ACTG2: variants seen among roughly 807,000 people sequenced by gnomAD.
ACTG2 encodes the protein actin gamma 2, smooth muscle, also known as actin, gamma-enteric smooth muscle.
Under a neutral mutation model 37.6 loss-of-function variants are expected in ACTG2, and 16 were observed. The observed-to-expected ratio is 0.43, with a 90% CI of 0.29 to 0.65. The LOEUF is 0.65. Ranked by LOEUF, ACTG2 falls within the 30% of genes least tolerant of loss-of-function variation. The probability of loss-of-function intolerance (pLI) is 0.18; values close to 1 mark genes in which losing one functional copy is unlikely to be tolerated. For synonymous variants in ACTG2, 181 were observed against 179.9 expected, an observed-to-expected ratio of 1.01 and a Z score of -0.05; for missense variants, 238 against 490.9, an observed-to-expected ratio of 0.48 and a Z score of 4.87.
At chr2:73,916,357 G>A (rs1467582415) in intron 7 of ACTG2, among the ~76,000 whole-genome samples, 1 of 142,262 alleles carries the variant, frequency 7.0e-6, no homozygotes, top group Non-Finnish European at 1.5e-5. Flanking sequence ...CCTGGTGACA[G>A]AGCAGACTCC....
At chr2:73,916,892 C>A in intron 8 of ACTG2, 127 bp downstream of exon 8, 1 of 1,110,334 alleles carries the variant, frequency 9.0e-7, no homozygotes, top group Non-Finnish European at 1.3e-6. Context: ...TCATCCTGGA[C>A]TGGAGCCAAT....
intron 6 of ACTG2, 96 bp from the exon 7 acceptor site, chr2:73,914,584 A>G: frequency 1.1e-6 from 1 of 901,784 alleles, no homozygotes; most frequent in Non-Finnish European, 1.6e-6. Context: ...AAAAGAATAA[A>G]GTAGATGTGA....
At position 73,916,694 on chromosome 2, in the gene ACTG2, A is replaced by T; in HGVS notation, c.916A>T (p.Met306Leu). 1 of 1,614,184 alleles carries T rather than the reference A, an allele frequency of 6.2e-7. No homozygotes were observed. The highest frequency in any genetic ancestry group is 8.5e-7 in the Non-Finnish European group (1 of 1,180,034). ...ANNVLSGGTT[M>L]YPGIADRMQK... ...CAATGTCCTCTCTGGGGGCACCACC[A>T]TGTACCCTGGCATTGCTGACAGGAT... Residue 306 changes from methionine to leucine, a missense_variant, in exon 8 of 9, where the codon ATG (methionine) becomes TTG (leucine). Coordinates refer to ENST00000345517, the MANE Select transcript of ACTG2 (RefSeq NM_001615.4).
At chr2:73,902,023 G>GTGTA (rs1371484797) in intron 2 of ACTG2, among the ~76,000 whole-genome samples, 1 of 94,794 alleles carries the variant, frequency 1.1e-5, no homozygotes, top group African/African-American at 3.6e-5. Flanking sequence ...CAAGTCGTGT[G>GTGTA]TGTGTGTGTG....
intron 3 of ACTG2, among the ~76,000 whole-genome samples, chr2:73,904,022 G>C (rs1419292714): frequency 6.7e-6 from 1 of 149,452 alleles, no homozygotes; most frequent in Non-Finnish European, 1.5e-5. Flanking sequence ...ACTTTGGGAA[G>C]CCAAGGCAGG....
At chr2:73,910,547 G>A (rs943099251) in intron 5 of ACTG2, among the ~76,000 whole-genome samples, 22 of 142,090 alleles carry the variant, frequency 1.5e-4, no homozygotes, top group Non-Finnish European at 2.9e-4. Context: ...CACCCAGGCT[G>A]GAGTGCAGTA....
intron 1 of ACTG2, among the ~76,000 whole-genome samples, chr2:73,900,173 G>C (rs1679846238): frequency 6.6e-6 from 1 of 152,164 alleles, no homozygotes; most frequent in Non-Finnish European, 1.5e-5. Flanking sequence ...TTCTCTTTAT[G>C]TGCCTGGCGC....
At position 73,909,105 on chromosome 2, in the gene ACTG2, T is replaced by C; in HGVS notation, c.417T>C (p.Ala139=). ...CTGCCATGTACGTCGCCATTCAAGC[T>C]GTGCTCTCCCTCTATGCCTCTGGCC... ...NVPAMYVAIQ[A]VLSLYASGRT... Residue 139 remains alanine (A), a synonymous_variant, in exon 5 of 9, where the codon GCT becomes GCC. Transcript: ENST00000345517. 1 of 1,614,172 alleles carries C rather than the reference T, an allele frequency of 6.2e-7. No individual in the cohort carries two copies. The highest frequency in any genetic ancestry group is 8.5e-7 in the Non-Finnish European group (1 of 1,179,970).
At chr2:73,908,853 C>T in intron 4 of ACTG2, 70 bp downstream of exon 4, 1 of 1,396,246 alleles carries the variant, frequency 7.2e-7, no homozygotes, top group Non-Finnish European at 1.0e-6. Flanking sequence ...ATACTTTCTC[C>T]CCTTCAAACA....
At chr2:73,916,471 T>A in intron 7 of ACTG2, 113 bp from the exon 8 acceptor site, 1 of 886,442 alleles carries the variant, frequency 1.1e-6, no homozygotes, top group Non-Finnish European at 1.7e-6. Flanking sequence ...TGGGAGATAT[T>A]AAGGTTCTGA....
intron 1 of ACTG2, among the ~76,000 whole-genome samples, chr2:73,897,574 C>A (rs990719160): frequency 6.6e-6 from 1 of 152,208 alleles, no homozygotes; most frequent in African/African-American, 2.4e-5. Flanking sequence ...AGGCAGAGCA[C>A]ACCAGGTCTG....
chr2:73,907,946 G>A (rs1406998852), intron 3 of ACTG2, among the ~76,000 whole-genome samples: 1 of 152,200 alleles, frequency 6.6e-6, no homozygotes, highest in African/African-American at 2.4e-5. Context: ...AAGTGCCTCT[G>A]TCAGATTCTC....
intron 2 of ACTG2, among the ~76,000 whole-genome samples, chr2:73,902,043 G>GTGTGTC (rs1239557508): frequency 3.0e-4 from 38 of 128,450 alleles, no homozygotes; most frequent in South Asian, 2.2e-3. Flanking sequence ...GTGTGTGTCT[G>GTGTGTC]TGTGTGTGTG....
chr2:73,914,904 A>C, intron 7 of ACTG2, 33 bp downstream of exon 7: 33 of 1,479,082 alleles, frequency 2.2e-5, no homozygotes, highest in Non-Finnish European at 2.8e-5. Flanking sequence ...TGCCAATCTC[A>C]GGAGGGGAGG....
chr2:73,896,420 C>G (rs148091948), intron 1 of ACTG2, among the ~76,000 whole-genome samples: 75 of 152,114 alleles, frequency 4.9e-4, no homozygotes, highest in East Asian at 3.9e-3. Flanking sequence ...TTTGCCTTAC[C>G]CTGATTTACA....
In ACTG2 at chr2:73,898,871, T is replaced by C. The variant is rs538092540; in HGVS notation, c.-36-2405T>C. 1.1e-3 allele frequency among the ~76,000 whole-genome samples: 163 copies of C among 150,144 alleles called. 1 individual carries two copies. The highest frequency in any genetic ancestry group is 9.6e-3 in the South Asian group (45 of 4,700). On this transcript the variant is annotated intron_variant, in intron 1 of 8. Coordinates refer to ENST00000345517, the MANE Select transcript of ACTG2 (RefSeq NM_001615.4). ...AGGCTGGAGTGCAGTGGCTCGATCT[T>C]GGCTCACTGCAAGCTCCGCCTCCCG...
intron 3 of ACTG2, 185 bp from the exon 4 acceptor site, chr2:73,908,488 G>T: frequency 1.6e-6 from 1 of 641,626 alleles, no homozygotes; most frequent in Non-Finnish European, 2.8e-6. Flanking sequence ...CCTACCTGGG[G>T]CCCTGTTGAG....
rs149751263 is a variant in ACTG2 at position 73,894,457 on chromosome 2, C to T, written c.-37+1406C>T. On this transcript the variant is annotated intron_variant, in intron 1 of 8. Coordinates refer to ENST00000345517, the MANE Select transcript of ACTG2 (RefSeq NM_001615.4). The stretch of plus-strand genomic sequence containing the variant: ...GGGATGGGCCGTGTGACATCATGAC[C>T]TTGGGGCGAGATATCTTTCCTCTTT... 3.6e-3 allele frequency among the ~76,000 whole-genome samples: 555 copies of T among 152,286 alleles called. 4 individuals carry two copies. The highest frequency in any genetic ancestry group is 0.012 in the African/African-American group (519 of 41,574).
intron 1 of ACTG2, among the ~76,000 whole-genome samples, chr2:73,893,827 A>T (rs981441383): frequency 6.6e-6 from 1 of 152,136 alleles, no homozygotes; most frequent in African/African-American, 2.4e-5. Flanking sequence ...CACACAACAC[A>T]TGCACAAAGA....
Sources: allele counts gnomAD v4.1 joint callset (sites outside exome capture counted in the v4.1 genomes callset), GRCh38; gene constraint gnomAD v4.1.1; transcripts MANE v1.5; gene names NCBI Gene and HGNC (gene_info 2026-07-23, HGNC 2026-07-21).